CTSC: variants seen among roughly 807,000 people sequenced by gnomAD.
CTSC encodes cathepsin C.
A neutral mutation model predicts 40.9 loss-of-function variants in CTSC; 37 were observed. The ratio of observed to expected loss-of-function variants is 0.91; its 90% confidence interval spans 0.70 to 1.19. The LOEUF is 1.19. Ranked by LOEUF, CTSC falls within the 50% of genes most tolerant of loss-of-function variation. The pLI, the probability that CTSC is intolerant of heterozygous loss-of-function variation, is 0.00. For synonymous variants in CTSC, 232 were observed against 207.4 expected (o/e 1.12, Z -1.02); for missense variants, 594 against 567.3 (o/e 1.05, Z -0.48).
rs578018646 is a variant in CTSC, at chr11:88,317,116, G to A, written c.319-4562C>T. On this transcript the variant is annotated intron_variant, in intron 2 of 6. Transcript: ENST00000227266. ...TGAGTAGCTGGGATTACAGGCATGC[G>A]TCACCACGCCCGGCTAATTTTTGTA... is the stretch of plus-strand genomic sequence containing the variant. Among the ~76,000 whole-genome samples the A allele has an allele frequency of 4.9e-3, 748 of 152,138 alleles. 6 individuals carry two copies. The highest frequency in any genetic ancestry group is 7.8e-3 in the Non-Finnish European group (528 of 68,004).
At chr11:88,307,408 A>T (rs2134779856) in intron 4 of CTSC, among the ~76,000 whole-genome samples, 1 of 152,294 alleles carries the variant, frequency 6.6e-6, no homozygotes, top group Admixed American at 6.5e-5. Flanking sequence ...TCAGAAAAAT[A>T]ATTTTTTTTT....
Position 88,312,486 on chromosome 11 carries a change from C to T in CTSC, c.387G>A (p.Val129=). 6.2e-7 allele frequency: 1 copy of T among 1,614,212 alleles called. No individual in the cohort carries two copies. Among genetic ancestry groups the T allele is most frequent in the Non-Finnish European group, 8.5e-7 (1 of 1,180,038 alleles). ...NETMTGWVHD[V]LGRNWACFTG... The stretch of plus-strand genomic sequence containing the variant: ...TGAAACAAGCCCAGTTCCGGCCCAA[C>T]ACATCATGCACCCACCCAGTCATTG... Residue 129 remains valine (V), a synonymous_variant, in exon 3 of 7, where the codon GTG becomes GTA. Transcript: ENST00000227266.
intron 2 of CTSC, among the ~76,000 whole-genome samples, chr11:88,320,174 T>C (rs553025409): frequency 6.6e-6 from 1 of 152,284 alleles, no homozygotes; most frequent in Admixed American, 6.5e-5. Flanking sequence ...TGCCAGGAAA[T>C]AGTTACAGTG....
chr11:88,295,998 G>A, intron 6 of CTSC, 135 bp downstream of exon 6: 1 of 912,502 alleles, frequency 1.1e-6, no homozygotes. Flanking sequence ...AAGTGATAGG[G>A]CCAGACTTGC....
At chr11:88,294,611 A>G (rs2134763967) in intron 6 of CTSC, 103 bp from the exon 7 acceptor site, 1 of 1,332,880 alleles carries the variant, frequency 7.5e-7, no homozygotes, top group Non-Finnish European at 1.1e-6. Context: ...GTTACCCCTG[A>G]AAGTTGTTCT....
At chr11:88,321,885 T>C (rs1938023820) in intron 2 of CTSC, 1 of 152,242 alleles carries the variant, frequency 6.6e-6, no homozygotes, top group South Asian at 2.1e-4. Context: ...CCACCAACAG[T>C]GTAAAAGCGT....
chr11:88,307,510 T>C (rs1937660696), intron 4 of CTSC, among the ~76,000 whole-genome samples: 1 of 150,560 alleles, frequency 6.6e-6, no homozygotes, highest in African/African-American at 2.4e-5. Flanking sequence ...TGGGTAAAGA[T>C]GAAAAATGCC....
intron 2 of CTSC, among the ~76,000 whole-genome samples, chr11:88,332,065 G>C (rs1274077204): frequency 6.6e-6 from 1 of 152,164 alleles, no homozygotes; most frequent in Non-Finnish European, 1.5e-5. Flanking sequence ...GAGGATAAAA[G>C]GAAGCAAGTT....
chr11:88,307,506 A>C (rs1169034858), intron 4 of CTSC, among the ~76,000 whole-genome samples: 1 of 152,028 alleles, frequency 6.6e-6, no homozygotes, highest in Non-Finnish European at 1.5e-5. Context: ...CTTATGGGTA[A>C]AGATGAAAAA....
rs569702051 is a variant in CTSC at position 88,294,059 on chromosome 11, C to A, written c.1339G>T (p.Glu447Ter). The A allele has an allele frequency of 2.5e-6, 4 of 1,614,056 alleles. No homozygotes were observed. Among genetic ancestry groups the A allele is most frequent in the Admixed American group, 1.7e-5 (1 of 59,986 alleles). The change falls in exon 7 of 7, where the codon GAG becomes TAG. Residue 447 changes from glutamate (E) to a stop codon, truncating the protein, a stop_gained. Transcript: ENST00000227266. LOFTEE classifies it high-confidence loss of function. ...GYFRIRRGTDECAIESIAVAA... is the reference protein window; with the variant it reads ...GYFRIRRGTD ...ACTGCTATGCTCTCAATTGCACACTCATCAGTTCCTCTGCGGATCCGGAAG... is the reference window on the plus strand; with the variant it reads ...ACTGCTATGCTCTCAATTGCACACTAATCAGTTCCTCTGCGGATCCGGAAG...
At chr11:88,324,359 TTA>T in intron 2 of CTSC, 4 of 981,556 alleles carry the variant, frequency 4.1e-6, no homozygotes, top group Non-Finnish European at 4.8e-6. Flanking sequence ...GTTGCTTTGG[TTA>T]TATTTACATC....
At chr11:88,323,368 G>A (rs921738737) in intron 2 of CTSC, 2 of 152,184 alleles carry the variant, frequency 1.3e-5, no homozygotes, top group African/African-American at 4.8e-5. Flanking sequence ...ACAAGACAAG[G>A]ATGCCCTCTC....
intron 1 of CTSC, among the ~76,000 whole-genome samples, chr11:88,337,238 C>T (rs1053102865): frequency 6.6e-6 from 1 of 152,060 alleles, no homozygotes; most frequent in Admixed American, 6.6e-5. Flanking sequence ...CAAAATTAAG[C>T]GGGAGGAATA....
rs79966681 is a variant in CTSC, at chr11:88,336,995, G to A, written c.172+506C>T. 7.7e-3 allele frequency among the ~76,000 whole-genome samples: 1,172 copies of A among 152,092 alleles called. 14 individuals carry two copies. Among genetic ancestry groups the A allele is most frequent in the African/African-American group, 0.026 (1,095 of 41,468 alleles). On this transcript the variant is annotated intron_variant, in intron 1 of 6. Transcript: ENST00000227266. ...GAAACAATGCAGAGTGGTACTAGCC[G>A]TTTTCTAGTACTCATCAACACCCGC...
intron 4 of CTSC, 40 bp downstream of exon 4, chr11:88,309,123 A>C: frequency 6.3e-7 from 1 of 1,585,670 alleles, no homozygotes; most frequent in South Asian, 1.1e-5. Context: ...GGTATTCAGC[A>C]TTCATATTTT....
intron 2 of CTSC, chr11:88,326,433 C>G (rs760794290): frequency 6.2e-7 from 1 of 1,611,222 alleles, no homozygotes; most frequent in Non-Finnish European, 8.5e-7. Context: ...AACAGATGCT[C>G]TATTTAATAA....
intron 2 of CTSC, chr11:88,321,453 G>A (rs999019946): frequency 6.6e-6 from 1 of 151,956 alleles, no homozygotes. Context: ...CCCCTGACTG[G>A]CCCCAGTGTG....
chr11:88,319,540 A>C (rs1937950408), intron 2 of CTSC, among the ~76,000 whole-genome samples: 1 of 152,188 alleles, frequency 6.6e-6, no homozygotes. Flanking sequence ...CAGTCATGAA[A>C]ATTATCAGTA....
chr11:88,315,207 G>T (rs1009516681), intron 2 of CTSC, among the ~76,000 whole-genome samples: 1 of 152,018 alleles, frequency 6.6e-6, no homozygotes, highest in African/African-American at 2.4e-5. Flanking sequence ...GGGTTAGGCC[G>T]ATGCTCCCTC....
Sources: gnomAD v4.1 joint callset for allele counts (sites outside exome capture counted in the v4.1 genomes callset) on GRCh38, gnomAD v4.1.1 for gene constraint, MANE v1.5 for transcripts, NCBI Gene and HGNC (gene_info 2026-07-23, HGNC 2026-07-21) for gene names.